SMC5: variants seen among roughly 807,000 people sequenced by gnomAD.
SMC5 encodes structural maintenance of chromosomes protein 5.
SMC5 carries 88 observed loss-of-function variants against 148.3 expected under a neutral mutation model. The observed-to-expected ratio is 0.59, with a 90% CI of 0.50 to 0.71. The LOEUF (loss-of-function observed/expected upper bound fraction) is 0.71, where lower values mean the gene tolerates loss of function less well. Among genes scored for constraint, SMC5 ranks in the 30% least tolerant of loss-of-function variants. SMC5 has a pLI of 0.00. For synonymous variants in SMC5, 421 were observed against 432.8 expected (o/e 0.97, Z 0.34); for missense variants, 1,142 against 1,298.9 (o/e 0.88, Z 1.86).
At chr9:70,268,001 C>T (rs1564020729) in intron 3 of SMC5, 26 bp downstream of exon 3, 9 of 1,575,572 alleles carry the variant, frequency 5.7e-6, no homozygotes, top group Non-Finnish European at 7.8e-6. Context: ...GCTAAAACTC[C>T]TTTTTCCTAT....
intron 3 of SMC5, among the ~76,000 whole-genome samples, chr9:70,268,288 A>G (rs956720045): frequency 6.6e-6 from 1 of 152,134 alleles, no homozygotes; most frequent in African/African-American, 2.4e-5. Context: ...TCTACTAAAA[A>G]TAGAAAAATT....
intron 15 of SMC5, among the ~76,000 whole-genome samples, chr9:70,319,520 A>G (rs1356823053): frequency 6.6e-6 from 1 of 152,192 alleles, no homozygotes; most frequent in Non-Finnish European, 1.5e-5. Context: ...GAGTTGAAGT[A>G]TATGAAGGAA....
rs2036841456 is a variant in SMC5 at position 70,353,152 on chromosome 9, T to C, written c.*821T>C. 1 of 152,216 alleles carries C rather than the reference T, an allele frequency of 6.6e-6. No individual in the cohort carries two copies. Among genetic ancestry groups the C allele is most frequent in the African/African-American group, 2.4e-5 (1 of 41,578 alleles). 9.4% of individuals were successfully genotyped at this position (152,216 alleles called of 1,614,324 possible). On this transcript the variant is annotated 3_prime_UTR_variant, in exon 25 of 25. Coordinates refer to ENST00000361138, the MANE Select transcript of SMC5 (RefSeq NM_015110.4). Reference sequence around the variant, plus strand: ...TTACATCTTACATTTCTAAAAGCATTTTATAATTATTTTTAGTAAGATTTT... The same window carrying C: ...TTACATCTTACATTTCTAAAAGCATCTTATAATTATTTTTAGTAAGATTTT...
intron 3 of SMC5, among the ~76,000 whole-genome samples, chr9:70,271,267 A>T (rs2118050222): frequency 6.6e-6 from 1 of 152,346 alleles, no homozygotes; most frequent in Non-Finnish European, 1.5e-5. Context: ...ACTTTAAAAA[A>T]GTTAATTTTT....
At chr9:70,285,738 TATGTC>T (rs1374706834) in intron 7 of SMC5, among the ~76,000 whole-genome samples, 18 of 152,226 alleles carry the variant, frequency 1.2e-4, no homozygotes, top group Non-Finnish European at 2.4e-4. Context: ...GTGTCTATAA[TATGTC>T]ATGTATGTGT....
rs568075095 is a variant in SMC5, at chr9:70,286,283, T to C, written c.1053+12T>C. 5.9e-5 allele frequency: 91 copies of C among 1,544,122 alleles called. No homozygotes were observed. Among genetic ancestry groups the C allele is most frequent in the Admixed American group, 4.5e-4 (25 of 55,386 alleles). ...GGAAAGATAAACATGTAAGGTTTCA[T>C]ACTAAAATTTTTATTACATTAAAGT... On this transcript the variant is annotated intron_variant, in intron 8 of 24. Coordinates refer to ENST00000361138, the MANE Select transcript of SMC5 (RefSeq NM_015110.4).
chr9:70,302,807 G>A (rs1265109921), intron 10 of SMC5, among the ~76,000 whole-genome samples: 1 of 152,210 alleles, frequency 6.6e-6, no homozygotes, highest in Non-Finnish European at 1.5e-5. Context: ...ACTGGCCAGT[G>A]ACCCTACTTG....
chr9:70,331,416 AAAC>A (rs112023591), intron 17 of SMC5, among the ~76,000 whole-genome samples: 3 of 129,268 alleles, frequency 2.3e-5, no homozygotes, highest in African/African-American at 9.6e-5. Flanking sequence ...AGGTAGAAAA[AAAC>A]AGGGAGATTT....
intron 11 of SMC5, among the ~76,000 whole-genome samples, chr9:70,312,802 C>T (rs1175699897): frequency 6.6e-6 from 1 of 152,158 alleles, no homozygotes; most frequent in Non-Finnish European, 1.5e-5. Flanking sequence ...GTATACTGTT[C>T]ATACATTGCT....
chr9:70,273,343 A>G (rs2034501753), intron 3 of SMC5, among the ~76,000 whole-genome samples: 2 of 151,872 alleles, frequency 1.3e-5, no homozygotes, highest in African/African-American at 4.8e-5. Context: ...TTAGTTTTAA[A>G]TTTTATTGAC....
intron 3 of SMC5, among the ~76,000 whole-genome samples, chr9:70,273,213 A>G (rs938153319): frequency 4.0e-5 from 6 of 149,260 alleles, no homozygotes; most frequent in Admixed American, 6.7e-5. Context: ...AACTATACTG[A>G]TTTAATTTTT....
Position 70,305,318 on chromosome 9 carries a change from T to C in SMC5, c.1536T>C (p.Phe512=), listed in dbSNP as rs748356367. 1.1e-5 allele frequency: 17 copies of C among 1,604,056 alleles called. No individual in the cohort carries two copies. The highest frequency in any genetic ancestry group is 1.2e-5 in the Non-Finnish European group (14 of 1,173,688). Residue 512 remains phenylalanine (F), a synonymous_variant, in exon 11 of 25, where the codon TTT becomes TTC. Coordinates refer to ENST00000361138, the MANE Select transcript of SMC5 (RefSeq NM_015110.4). Reference sequence around the variant, plus strand: ...TTCCATCAAATGACTTAAGAGCCTTTGTATTTGAAAGTCAAGAAGATATGG... The same window carrying C: ...TTCCATCAAATGACTTAAGAGCCTTCGTATTTGAAAGTCAAGAAGATATGG... The part of the protein sequence containing the change: ...NHIPSNDLRA[F]VFESQEDMEV...
intron 17 of SMC5, among the ~76,000 whole-genome samples, chr9:70,343,686 C>G (rs539211126): frequency 6.6e-6 from 1 of 152,092 alleles, no homozygotes; most frequent in African/African-American, 2.4e-5. Context: ...CATGGTGGTA[C>G]ACATCTGTAA....
At chr9:70,310,408 T>G (rs765930420) in intron 11 of SMC5, among the ~76,000 whole-genome samples, 7 of 152,152 alleles carry the variant, frequency 4.6e-5, no homozygotes, top group Non-Finnish European at 1.0e-4. Context: ...TGGACAGATG[T>G]CTTTTTTTTC....
chr9:70,270,368 T>G (rs917239782), intron 3 of SMC5, among the ~76,000 whole-genome samples: 2 of 152,190 alleles, frequency 1.3e-5, no homozygotes, highest in African/African-American at 4.8e-5. Flanking sequence ...CTGGGAACTC[T>G]CTGAAACCCA....
chr9:70,341,319 C>CT (rs1215713438), intron 17 of SMC5, among the ~76,000 whole-genome samples: 3 of 152,158 alleles, frequency 2.0e-5, no homozygotes, highest in African/African-American at 7.2e-5. Flanking sequence ...CTCATTGATA[C>CT]TTCTTTTCCA....
Position 70,288,357 on chromosome 9 carries a change from A to G in SMC5, c.1053+2086A>G, listed in dbSNP as rs555624084. ...AATCATTTATATTTCTTCTCTTCCT[A>G]TCACTGATATTTGTGTATCCATTTT... On this transcript the variant is annotated intron_variant, in intron 8 of 24. Coordinates refer to ENST00000361138, the MANE Select transcript of SMC5 (RefSeq NM_015110.4). Among the ~76,000 whole-genome samples, 5 of 152,128 alleles carry G rather than the reference A, an allele frequency of 3.3e-5. No homozygotes were observed. The East Asian group carries it at 9.7e-4, about 29-fold the overall frequency.
chr9:70,301,525 A>G (rs1206092356), intron 10 of SMC5, among the ~76,000 whole-genome samples: 1 of 152,200 alleles, frequency 6.6e-6, no homozygotes, highest in Non-Finnish European at 1.5e-5. Context: ...CAAGTGAGCA[A>G]TATGCAAACT....
Position 70,344,267 on chromosome 9 carries a change from A to C in SMC5, c.2521A>C (p.Thr841Pro). ...AEQTLPQEYQ[T>P]QVPTIPNGHN... ...GCAGACTCTTCCTCAAGAATACCAG[A>C]CAGTAAGTATAAAAAGTATATAATG... Residue 841 changes from threonine to proline, a missense_variant and splice_region_variant, in exon 18 of 25, where the codon ACA becomes CCA. By Grantham distance (38) the Thr-to-Pro change is conservative (BLOSUM62 -1). Around this residue, in one of 5 missense-constraint regions of SMC5, gnomAD observed 743 missense variants for 835.7 expected, o/e 0.89. Coordinates refer to ENST00000361138, the MANE Select transcript of SMC5 (RefSeq NM_015110.4). The C allele has an allele frequency of 1.4e-6, 2 of 1,456,850 alleles. No homozygotes were observed. Among genetic ancestry groups the C allele is most frequent in the Non-Finnish European group, 1.8e-6 (2 of 1,101,474 alleles). The allele number at this position is 1,456,850 out of a possible 1,614,324, so 90.2% of individuals were successfully genotyped here. A position where few individuals can be genotyped will look rare whatever the true frequency, so the allele number is the denominator to read the frequency against.
Sources: allele counts gnomAD v4.1 joint callset (sites outside exome capture counted in the v4.1 genomes callset), GRCh38; gene constraint gnomAD v4.1.1; regional missense constraint gnomAD v4.1.1; transcripts MANE v1.5; gene names NCBI Gene and HGNC (gene_info 2026-07-23, HGNC 2026-07-21).